PDZRN3: variants seen among roughly 807,000 people sequenced by gnomAD.
The protein encoded by PDZRN3 is PDZ domain containing ring finger 3.
In PDZRN3, 38 loss-of-function variants were observed where a neutral mutation model predicts 85.7. The ratio of observed to expected loss-of-function variants is 0.44; its 90% confidence interval spans 0.34 to 0.58. PDZRN3 has a LOEUF of 0.58. Among genes scored for constraint, PDZRN3 ranks in the 20% least tolerant of loss-of-function variants. The probability of loss-of-function intolerance (pLI) is 0.01; values close to 1 mark genes in which losing one functional copy is unlikely to be tolerated. For missense variants in PDZRN3, 1,629 were observed against 1,506.4 expected (o/e 1.08, Z -1.35); for synonymous variants, 759 against 638.0 (o/e 1.19, Z -2.86).
At chr3:73,424,541 C>CAAAAAAAAAAAAAAA (rs34550639) in intron 3 of PDZRN3, among the ~76,000 whole-genome samples, 1 of 54,238 alleles carries the variant, frequency 1.8e-5, no homozygotes, top group African/African-American at 7.5e-5. Flanking sequence ...GACTCCATCT[C>CAAAAAAAAAAAAAAA]AAAAAAAAAA....
At chr3:73,573,857 C>T (rs192053173) in intron 3 of PDZRN3, among the ~76,000 whole-genome samples, 13 of 149,466 alleles carry the variant, frequency 8.7e-5, no homozygotes, top group Non-Finnish European at 1.6e-4. Flanking sequence ...ATATACGGTC[C>T]TTACCATAGT....
chr3:73,507,892 A>C (rs935174618), intron 3 of PDZRN3, among the ~76,000 whole-genome samples: 3 of 152,126 alleles, frequency 2.0e-5, no homozygotes, highest in Non-Finnish European at 4.4e-5. Flanking sequence ...CAGGAGTTCC[A>C]GACCAGCCTG....
At chr3:73,476,132 T>C (rs191173765) in intron 3 of PDZRN3, among the ~76,000 whole-genome samples, 1 of 152,162 alleles carries the variant, frequency 6.6e-6, no homozygotes, top group Non-Finnish European at 1.5e-5. Context: ...TTGGATAATA[T>C]CTTAGTTCGT....
chr3:73,506,554 T>C (rs1327013181), intron 3 of PDZRN3, among the ~76,000 whole-genome samples: 2 of 152,038 alleles, frequency 1.3e-5, no homozygotes, highest in Non-Finnish European at 2.9e-5. Flanking sequence ...CTAGTGCCAC[T>C]TTTTACTCAA....
chr3:73,544,375 TTACG>T (rs1701369335), intron 3 of PDZRN3, among the ~76,000 whole-genome samples: 1 of 152,162 alleles, frequency 6.6e-6, no homozygotes, highest in African/African-American at 2.4e-5. Context: ...TTTTGAACTG[TTACG>T]TATTTTTGGA....
chr3:73,607,688 AT>A (rs573457428), intron 2 of PDZRN3, among the ~76,000 whole-genome samples: 69 of 149,592 alleles, frequency 4.6e-4, no homozygotes, highest in African/African-American at 1.5e-3. Flanking sequence ...CCATCCTCCC[AT>A]TTTTTTTTCC....
intron 3 of PDZRN3, among the ~76,000 whole-genome samples, chr3:73,453,434 A>C (rs1702914148): frequency 6.6e-6 from 1 of 150,684 alleles, no homozygotes; most frequent in Non-Finnish European, 1.5e-5. Flanking sequence ...CAAAAAAAAA[A>C]AACAAAGAAA....
chr3:73,480,496 T>C lies in PDZRN3; in HGVS notation c.919-76101A>G, dbSNP rs144298522. On this transcript the variant is annotated intron_variant, in intron 3 of 9. Transcript: ENST00000263666. ...CTAACTTCTTTGTCTGGCTCTCTTC[T>C]CAATCATGCTGACTGCATACTCCAC... is the stretch of plus-strand genomic sequence containing the variant. 2.8e-4 allele frequency among the ~76,000 whole-genome samples: 43 copies of C among 152,278 alleles called. 1 individual carries two copies. The East Asian group carries it at 7.0e-3, about 25-fold the overall frequency.
intron 5 of PDZRN3, among the ~76,000 whole-genome samples, chr3:73,397,087 G>A (rs1199280646): frequency 6.7e-6 from 1 of 148,760 alleles, no homozygotes; most frequent in Non-Finnish European, 1.5e-5. Context: ...AGGCTGGAGT[G>A]CGGTGGCACA....
chr3:73,476,733 A>G (rs1284343099), intron 3 of PDZRN3, among the ~76,000 whole-genome samples: 2 of 152,192 alleles, frequency 1.3e-5, no homozygotes, highest in African/African-American at 4.8e-5. Context: ...CCCTTTTGGA[A>G]AGACCTATGT....
At chr3:73,524,303 C>G (rs1230869261) in intron 3 of PDZRN3, among the ~76,000 whole-genome samples, 1 of 152,146 alleles carries the variant, frequency 6.6e-6, no homozygotes, top group Non-Finnish European at 1.5e-5. Flanking sequence ...ATACAAAACT[C>G]CTTTCTCTTA....
At chr3:73,572,356 G>A (rs1702056805) in intron 3 of PDZRN3, among the ~76,000 whole-genome samples, 1 of 152,146 alleles carries the variant, frequency 6.6e-6, no homozygotes, top group African/African-American at 2.4e-5. Context: ...TCAGTTTTAT[G>A]GAAATCCAAT....
chr3:73,383,255 C>T lies in PDZRN3; in HGVS notation c.*110G>A, dbSNP rs1411963674. The T allele has an allele frequency of 4.8e-6, 5 of 1,047,676 alleles. No homozygotes were observed. The highest frequency in any genetic ancestry group is 2.8e-6 in the Non-Finnish European group (2 of 712,524). 64.9% of individuals were successfully genotyped at this position (1,047,676 alleles called of 1,614,324 possible). On this transcript the variant is annotated 3_prime_UTR_variant, in exon 10 of 10. Transcript: ENST00000263666. The stretch of plus-strand genomic sequence containing the variant: ...AGGGTTTGCAAATTTGGACTATAAA[C>T]ATGAAGACCGTACTTATCTTATATA...
At chr3:73,484,806 C>A (rs759978562) in intron 3 of PDZRN3, among the ~76,000 whole-genome samples, 2 of 152,132 alleles carry the variant, frequency 1.3e-5, no homozygotes, top group Non-Finnish European at 2.9e-5. Context: ...TGAATCAGAA[C>A]TTGCCTCTTA....
At chr3:73,608,766 C>G in intron 1 of PDZRN3, 82 bp from the exon 2 acceptor site, 1 of 808,864 alleles carries the variant, frequency 1.2e-6, no homozygotes, top group Non-Finnish European at 2.1e-6. Flanking sequence ...TAAGTGTACT[C>G]AAGGACTACT....
At position 73,624,206 on chromosome 3, in the gene PDZRN3, A is replaced by G. The variant is rs758327732; in HGVS notation, c.620T>C (p.Leu207Pro). 3.4e-6 allele frequency: 5 copies of G among 1,489,638 alleles called. No individual in the cohort carries two copies. In the South Asian group the frequency reaches 5.1e-5, roughly 15 times the overall value. 92.3% of individuals were successfully genotyped at this position (1,489,638 alleles called of 1,614,324 possible). The change falls in exon 1 of 10, where the codon CTT becomes CCT. Residue 207 changes from leucine to proline, a missense_variant. By Grantham distance (98) the Leu-to-Pro change is moderately conservative (BLOSUM62 -3). Coordinates refer to ENST00000263666, the MANE Select transcript of PDZRN3 (RefSeq NM_015009.3). ...GCGCAGCGCGGTCATCTGCAGCTCAAGCTGCGCCGCGGCCAGCTGGGCCAC... is the reference window on the plus strand; with the variant it reads ...GCGCAGCGCGGTCATCTGCAGCTCAGGCTGCGCCGCGGCCAGCTGGGCCAC... ...SLVAQLAAAQLELQMTALRYQ... is the reference protein window; with the variant it reads ...SLVAQLAAAQPELQMTALRYQ...
intron 3 of PDZRN3, among the ~76,000 whole-genome samples, chr3:73,527,770 C>T (rs919050751): frequency 6.6e-5 from 10 of 152,068 alleles, no homozygotes; most frequent in African/African-American, 1.2e-4. Flanking sequence ...AATGTGGGCT[C>T]GGCATTGTTG....
At chr3:73,520,223 G>A (rs984707464) in intron 3 of PDZRN3, among the ~76,000 whole-genome samples, 5 of 152,140 alleles carry the variant, frequency 3.3e-5, no homozygotes, top group African/African-American at 1.2e-4. Flanking sequence ...AGTAAACTAG[G>A]CCAGGTGTGG....
chr3:73,503,796 G>T (rs1181359611), intron 3 of PDZRN3, among the ~76,000 whole-genome samples: 8 of 152,160 alleles, frequency 5.3e-5, no homozygotes. Flanking sequence ...ATCACAAACT[G>T]AAATTAAACC....
Sources: gnomAD v4.1 joint callset for allele counts (sites outside exome capture counted in the v4.1 genomes callset) on GRCh38, gnomAD v4.1.1 for gene constraint, MANE v1.5 for transcripts, NCBI Gene and HGNC (gene_info 2026-07-23, HGNC 2026-07-21) for gene names.